The following RP1L1 variants were observed in gnomAD, a reference collection of about 807,000 sequenced individuals.
RP1L1 encodes retinitis pigmentosa 1-like 1 protein.
Under a neutral mutation model 15.7 loss-of-function variants are expected in RP1L1, and 27 were observed. The observed-to-expected ratio is 1.72, with a 90% CI of 1.27 to 2.38. The LOEUF (loss-of-function observed/expected upper bound fraction) is 2.38. Among genes scored for constraint, RP1L1 ranks in the 30% most tolerant of loss-of-function variants. RP1L1 has a pLI of 0.00. For missense variants in RP1L1, 4,798 were observed against 3,075.9 expected, an observed-to-expected ratio of 1.56 and a Z score of -13.24; for synonymous variants, 1,813 against 1,276.7, an observed-to-expected ratio of 1.42 and a Z score of -8.96.
chr8:10,616,564 C>CAGCA lies in RP1L1; in HGVS notation c.629_632dup (p.His212AlafsTer13). On this transcript the variant is annotated frameshift_variant, in exon 3 of 4. Transcript: ENST00000382483. LOFTEE classifies it high-confidence loss of function. ...CACACACCAGCACAGAGGGGCTGTG[C>CAGCA]AGCAGGGCCTGCAGCGAGTCCACCT... 1 of 1,613,448 alleles carries CAGCA rather than the reference C, an allele frequency of 6.2e-7. No homozygotes were observed. Among genetic ancestry groups the CAGCA allele is most frequent in the East Asian group, 2.2e-5 (1 of 44,882 alleles).
In RP1L1 at chr8:10,623,101, T is replaced by C. The variant is rs1259439731; in HGVS notation, c.101A>G (p.Lys34Arg). 1.9e-6 allele frequency: 3 copies of C among 1,613,660 alleles called. No homozygotes were observed. The highest frequency in any genetic ancestry group is 1.7e-5 in the Admixed American group (1 of 60,000). ...TPSVTKVTPAKKITFLKRGDP... is the reference protein window; with the variant it reads ...TPSVTKVTPARKITFLKRGDP... Reference sequence around the variant, plus strand: ...CCCTCGCTTGAGGAAGGTGATCTTCTTGGCTGGCGTGACCTTGGTGACCGA... The same window carrying C: ...CCCTCGCTTGAGGAAGGTGATCTTCCTGGCTGGCGTGACCTTGGTGACCGA... The change falls in exon 2 of 4, where the codon AAG becomes AGG. Residue 34 changes from lysine to arginine, a missense_variant. Physicochemically the swap from Lys to Arg is conservative, Grantham distance 26. Coordinates refer to ENST00000382483, the MANE Select transcript of RP1L1 (RefSeq NM_178857.6).
Position 10,612,297 on chromosome 8 carries a change from C to G in RP1L1, c.1801G>C (p.Ala601Pro), listed in dbSNP as rs1797877140. ...AETQGQGTEQATGAAVTREPL... is the reference protein window; with the variant it reads ...AETQGQGTEQPTGAAVTREPL... ...TCCCTTGTCACAGCCGCTCCCGTGG[C>G]CTGCTCGGTGCCCTGTCCTTGCGTC... The change falls in exon 4 of 4, where the codon GCC (alanine) becomes CCC (proline). Residue 601 changes from alanine to proline, a missense_variant. Ala to Pro is a conservative substitution (Grantham distance 27). Transcript: ENST00000382483. 3 of 1,613,258 alleles carry G rather than the reference C, an allele frequency of 1.9e-6. No individual in the cohort carries two copies. Among genetic ancestry groups the G allele is most frequent in the Non-Finnish European group, 2.5e-6 (3 of 1,180,028 alleles).
At chr8:10,618,724 A>G (rs147459722) in intron 2 of RP1L1, among the ~76,000 whole-genome samples, 204 of 152,326 alleles carry the variant, frequency 1.3e-3, no homozygotes, top group African/African-American at 4.8e-3. Flanking sequence ...TAAATTAATA[A>G]TAGTAATATC....
intron 1 of RP1L1, among the ~76,000 whole-genome samples, chr8:10,636,844 C>T (rs139903290): frequency 2.2e-4 from 34 of 152,302 alleles, no homozygotes; most frequent in Middle Eastern, 3.4e-3. Flanking sequence ...CTGCTGGGTT[C>T]GGATGCCCTG....
chr8:10,635,205 C>A (rs1414501384), intron 1 of RP1L1, among the ~76,000 whole-genome samples: 2 of 152,200 alleles, frequency 1.3e-5, no homozygotes, highest in East Asian at 3.9e-4. Context: ...CGGGACCTGG[C>A]TTTCCCCTCT....
Position 10,612,374 on chromosome 8 carries a change from G to A in RP1L1, c.1724C>T (p.Ala575Val). The A allele has an allele frequency of 6.2e-7, 1 of 1,612,976 alleles. No homozygotes were observed. Among genetic ancestry groups the A allele is most frequent in the South Asian group, 1.1e-5 (1 of 91,092 alleles). The change falls in exon 4 of 4, where the codon GCT becomes GTT. Residue 575 changes from alanine (A) to valine (V), a missense_variant. Coordinates refer to ENST00000382483, the MANE Select transcript of RP1L1 (RefSeq NM_178857.6). ...AGATGAAAGACTCAGGGCTGGAGAA[G>A]CGGGGTCGCCTCCCTCGCTGGCCTC... Reference protein sequence around the residue: ...QQEASEGGDPASPALSLSSLR... With the variant: ...QQEASEGGDPVSPALSLSSLR...
chr8:10,622,407 A>G (rs1798074718), intron 2 of RP1L1, among the ~76,000 whole-genome samples, 186 bp downstream of exon 2: 1 of 152,058 alleles, frequency 6.6e-6, no homozygotes, highest in Non-Finnish European at 1.5e-5. Context: ...ATATACCTAA[A>G]AACATGAATC....
intron 1 of RP1L1, among the ~76,000 whole-genome samples, chr8:10,637,278 T>C (rs1798344406): frequency 6.6e-6 from 1 of 152,154 alleles, no homozygotes; most frequent in African/African-American, 2.4e-5. Context: ...AGTGGCAAGG[T>C]CCTCTCACCC....
rs368742662 is a variant in RP1L1, at chr8:10,607,019, C to A, written c.7079G>T (p.Arg2360Met). 4 of 1,614,098 alleles carry A rather than the reference C, an allele frequency of 2.5e-6. No individual in the cohort carries two copies. The highest frequency in any genetic ancestry group is 3.4e-6 in the Non-Finnish European group (4 of 1,180,046). The change falls in exon 4 of 4, where the codon AGG (arginine) becomes ATG (methionine). Residue 2360 changes from arginine (R) to methionine (M), a missense_variant. By Grantham distance (91) the Arg-to-Met change is moderately conservative (BLOSUM62 -1). Coordinates refer to ENST00000382483, the MANE Select transcript of RP1L1 (RefSeq NM_178857.6). ...SEQEEAPLGS[R>M]TPEQGASEGY... ...TTCACTGGCCCCCTGCTCTGGAGTC[C>A]TTGAGCCCAAAGGGGCCTCTTCTTG...
chr8:10,616,779 C>T (rs1355700551), intron 2 of RP1L1, among the ~76,000 whole-genome samples, 192 bp from the exon 3 acceptor site: 3 of 152,162 alleles, frequency 2.0e-5, no homozygotes, highest in African/African-American at 7.2e-5. Flanking sequence ...GGCTGAGGTC[C>T]CACCACCACG....
Position 10,610,754 on chromosome 8 carries a change from G to A in RP1L1, c.3344C>T (p.Ala1115Val), listed in dbSNP as rs767053356. Residue 1115 changes from alanine to valine, a missense_variant, in exon 4 of 4, where the codon GCC (alanine) becomes GTC (valine). By Grantham distance (64) the Ala-to-Val change is moderately conservative. Transcript: ENST00000382483. ...GGCCAGACAAGTAATGAGGGCCCCG[G>A]CTGAGCAGCTGAGCCTCCTGGCCAT... is the stretch of plus-strand genomic sequence containing the variant. ...RPMARRLSCS[A>V]GALITCLASL... The A allele has an allele frequency of 6.2e-7, 1 of 1,613,382 alleles. No individual in the cohort carries two copies. Among genetic ancestry groups the A allele is most frequent in the African/African-American group, 1.3e-5 (1 of 75,064 alleles).
At chr8:10,628,097 G>A (rs1563133883) in intron 1 of RP1L1, among the ~76,000 whole-genome samples, 1 of 152,230 alleles carries the variant, frequency 6.6e-6, no homozygotes, top group Non-Finnish European at 1.5e-5. Flanking sequence ...GAGGTCTCCA[G>A]GTTCATGAGC....
chr8:10,639,723 C>T (rs935779005), intron 1 of RP1L1, among the ~76,000 whole-genome samples: 13 of 152,114 alleles, frequency 8.5e-5, no homozygotes, highest in African/African-American at 3.1e-4. Flanking sequence ...TTATTGCAAG[C>T]CTTTCTGTTT....
chr8:10,613,654 T>C (rs557741266), intron 3 of RP1L1, among the ~76,000 whole-genome samples: 2 of 147,588 alleles, frequency 1.4e-5, no homozygotes, highest in African/African-American at 5.0e-5. Context: ...AGCATGGTAG[T>C]ATGCCCCTAC....
At chr8:10,623,798 C>T (rs1461033168) in intron 1 of RP1L1, among the ~76,000 whole-genome samples, 1 of 151,668 alleles carries the variant, frequency 6.6e-6, no homozygotes, top group East Asian at 1.9e-4. Context: ...ACCACATGTC[C>T]CCAACATTGC....
At chr8:10,637,411 C>A (rs1485891743) in intron 1 of RP1L1, among the ~76,000 whole-genome samples, 1 of 152,150 alleles carries the variant, frequency 6.6e-6, no homozygotes, top group Non-Finnish European at 1.5e-5. Flanking sequence ...GAAAACTCCT[C>A]TAAGCCTTTT....
At chr8:10,634,214 G>A (rs534638780) in intron 1 of RP1L1, among the ~76,000 whole-genome samples, 13 of 152,288 alleles carry the variant, frequency 8.5e-5, no homozygotes, top group East Asian at 3.9e-4. Context: ...GACACCACCC[G>A]ACTTATCCAC....
intron 2 of RP1L1, chr8:10,621,748 G>C (rs772655344): frequency 2.0e-6 from 1 of 509,406 alleles, no homozygotes. Context: ...GCCGACCTTT[G>C]GTGGAATTTC....
intron 1 of RP1L1, among the ~76,000 whole-genome samples, chr8:10,631,830 G>T: frequency 6.6e-6 from 1 of 152,222 alleles, no homozygotes; most frequent in East Asian, 1.9e-4. Flanking sequence ...TCTCCACGGC[G>T]GGGAAGACAC....
Sources: allele counts gnomAD v4.1 joint callset (sites outside exome capture counted in the v4.1 genomes callset), GRCh38; gene constraint gnomAD v4.1.1; transcripts MANE v1.5; gene names NCBI Gene and HGNC (gene_info 2026-07-23, HGNC 2026-07-21).